Variants in SHC4 observed in about 807,000 individuals in gnomAD.
SHC4 encodes SHC adaptor protein 4, also known as SHC-transforming protein 4.
SHC4 carries 41 observed loss-of-function variants against 69.4 expected under a neutral mutation model. The observed-to-expected ratio is 0.59, with a 90% CI of 0.46 to 0.77. The LOEUF is 0.77. Ranked by LOEUF, SHC4 falls within the 30% of genes least tolerant of loss-of-function variation. The probability of loss-of-function intolerance (pLI) is 0.00; values close to 1 mark genes in which losing one functional copy is unlikely to be tolerated. For missense variants in SHC4, 777 were observed against 783.8 expected, an observed-to-expected ratio of 0.99 and a Z score of 0.10; for synonymous variants, 318 against 299.3, an observed-to-expected ratio of 1.06 and a Z score of -0.64.
At chr15:48,899,405 G>T (rs1189875999) in intron 2 of SHC4, among the ~76,000 whole-genome samples, 1 of 152,174 alleles carries the variant, frequency 6.6e-6, no homozygotes, top group Non-Finnish European at 1.5e-5. Flanking sequence ...GGTGGAGGTT[G>T]CAGTGAGCCA....
At chr15:48,928,936 A>C (rs1900904650) in intron 1 of SHC4, among the ~76,000 whole-genome samples, 1 of 152,216 alleles carries the variant, frequency 6.6e-6, no homozygotes, top group East Asian at 1.9e-4. Flanking sequence ...GAAGGGTGGC[A>C]GGAGGGGGCC....
At chr15:48,839,830 C>G (rs1340432186) in intron 10 of SHC4, among the ~76,000 whole-genome samples, 1 of 152,174 alleles carries the variant, frequency 6.6e-6, no homozygotes, top group Non-Finnish European at 1.5e-5. Flanking sequence ...AAGAAAAGTT[C>G]ACGAATATTT....
intron 2 of SHC4, among the ~76,000 whole-genome samples, chr15:48,914,963 C>T (rs28564124): frequency 6.6e-6 from 1 of 152,172 alleles, no homozygotes; most frequent in Non-Finnish European, 1.5e-5. Context: ...TTGGATTTGA[C>T]TACTGTAGGT....
intron 6 of SHC4, among the ~76,000 whole-genome samples, chr15:48,864,958 G>A (rs1012803239): frequency 1.8e-4 from 27 of 152,068 alleles, no homozygotes; most frequent in Admixed American, 8.5e-4. Context: ...CTGCAACCCC[G>A]CCTTTACACG....
intron 8 of SHC4, among the ~76,000 whole-genome samples, chr15:48,852,792 C>G (rs1899240483): frequency 6.6e-6 from 1 of 151,980 alleles, no homozygotes; most frequent in African/African-American, 2.4e-5. Context: ...ATCCCAGCTA[C>G]TTGGAAGCCT....
At chr15:48,899,390 C>T (rs550844598) in intron 2 of SHC4, among the ~76,000 whole-genome samples, 3 of 152,166 alleles carry the variant, frequency 2.0e-5, no homozygotes, top group East Asian at 1.9e-4. Flanking sequence ...TTGCTTGAAC[C>T]GGGAGGTGGA....
chr15:48,894,787 A>AT (rs1193630342), intron 2 of SHC4, among the ~76,000 whole-genome samples: 6 of 151,876 alleles, frequency 4.0e-5, no homozygotes, highest in East Asian at 1.9e-4. Flanking sequence ...TATTTATTTA[A>AT]TTTTTTTGCT....
chr15:48,947,297 A>C (rs780020723), intron 1 of SHC4: 7 of 152,166 alleles, frequency 4.6e-5, no homozygotes, highest in Non-Finnish European at 1.0e-4. Context: ...CCCTTCCCCA[A>C]GACACTCTCC....
At chr15:48,870,751 G>A (rs989062262) in intron 5 of SHC4, among the ~76,000 whole-genome samples, 4 of 151,866 alleles carry the variant, frequency 2.6e-5, no homozygotes, top group African/African-American at 7.2e-5. Flanking sequence ...GTGAAGACAA[G>A]TAATTATTGA....
intron 2 of SHC4, among the ~76,000 whole-genome samples, chr15:48,919,144 C>T (rs530131694): frequency 3.3e-5 from 5 of 152,136 alleles, no homozygotes; most frequent in African/African-American, 1.2e-4. Context: ...CTCCAGACTT[C>T]AAGTAGGACC....
chr15:48,927,449 G>A (rs551766906), intron 1 of SHC4, among the ~76,000 whole-genome samples: 1 of 152,146 alleles, frequency 6.6e-6, no homozygotes, highest in Non-Finnish European at 1.5e-5. Flanking sequence ...TGGCCCATCC[G>A]TGCACACTTT....
rs112154511 is a variant in SHC4, at chr15:48,844,231, T to C, written c.1304-643A>G. On this transcript the variant is annotated intron_variant, in intron 9 of 11. Transcript: ENST00000332408. ...AGCCTCAGGTTATCTCCTCCTCCTC[T>C]ATTAATCTGTCCTCTCCCCTTCCAT... Among the ~76,000 whole-genome samples the C allele has an allele frequency of 1.5e-3, 230 of 152,326 alleles. 1 individual carries two copies. Among genetic ancestry groups the C allele is most frequent in the African/African-American group, 5.2e-3 (215 of 41,582 alleles).
At chr15:48,852,039 T>C (rs970557139) in intron 8 of SHC4, among the ~76,000 whole-genome samples, 6 of 152,228 alleles carry the variant, frequency 3.9e-5, no homozygotes, top group African/African-American at 1.4e-4. Context: ...AGACTGTCAG[T>C]GCCATCAATA....
At chr15:48,830,824 T>C (rs1184857821) in intron 11 of SHC4, among the ~76,000 whole-genome samples, 2 of 152,098 alleles carry the variant, frequency 1.3e-5, no homozygotes, top group Admixed American at 6.5e-5. Context: ...TTTCTGAAAA[T>C]AGTGACACTT....
At chr15:48,855,737 G>C (rs1163742885) in intron 8 of SHC4, among the ~76,000 whole-genome samples, 2 of 152,090 alleles carry the variant, frequency 1.3e-5, no homozygotes, top group Non-Finnish European at 2.9e-5. Flanking sequence ...TCTTCCCAGT[G>C]AAGTGAGATA....
At chr15:48,956,007 G>A (rs1010012342) in intron 1 of SHC4, among the ~76,000 whole-genome samples, 4 of 152,076 alleles carry the variant, frequency 2.6e-5, no homozygotes, top group Non-Finnish European at 4.4e-5. Context: ...AGTGTCCAGG[G>A]GCATGAAAGG....
intron 11 of SHC4, 93 bp from the exon 12 acceptor site, chr15:48,826,219 T>A: frequency 2.6e-6 from 3 of 1,171,798 alleles, no homozygotes; most frequent in Non-Finnish European, 3.5e-6. Context: ...GATATATCCC[T>A]AAAGTAGATA....
At chr15:48,872,171 T>C (rs1471891645) in intron 4 of SHC4, 29 bp from the exon 5 acceptor site, 1 of 1,282,906 alleles carries the variant, frequency 7.8e-7, no homozygotes, top group Admixed American at 2.1e-5. Context: ...TATACTAATA[T>C]AAATTAATTG....
chr15:48,903,403 AT>A (rs143835490), intron 2 of SHC4, among the ~76,000 whole-genome samples: 5 of 152,030 alleles, frequency 3.3e-5, no homozygotes, highest in South Asian at 2.1e-4. Flanking sequence ...GAATTATATC[AT>A]TTTTTTTCTA....
Sources: allele counts gnomAD v4.1 joint callset (sites outside exome capture counted in the v4.1 genomes callset), GRCh38; gene constraint gnomAD v4.1.1; transcripts MANE v1.5; gene names NCBI Gene and HGNC (gene_info 2026-07-23, HGNC 2026-07-21).